RAD51B: variants seen among roughly 807,000 people sequenced by gnomAD.
RAD51B encodes the protein RAD51 paralog B, also known as DNA repair protein RAD51 homolog 2.
In RAD51B, 38 loss-of-function variants were observed where a neutral mutation model predicts 42.2. The ratio of observed to expected loss-of-function variants is 0.90; its 90% CI spans 0.70 to 1.18. The LOEUF (loss-of-function observed/expected upper bound fraction) is 1.18. Among genes scored for constraint, RAD51B ranks in the 50% most tolerant of loss-of-function variants. RAD51B has a pLI of 0.00. For synonymous variants in RAD51B, 154 were observed against 145.2 expected, an observed-to-expected ratio of 1.06 and a Z score of -0.43; for missense variants, 373 against 400.7, an observed-to-expected ratio of 0.93 and a Z score of 0.59.
intron 10 of RAD51B, among the ~76,000 whole-genome samples, chr14:68,551,510 C>G (rs1400352847): frequency 1.3e-5 from 2 of 152,224 alleles, no homozygotes; most frequent in African/African-American, 4.8e-5. Flanking sequence ...CCCCCCTTCC[C>G]AAGAAGTGCC....
intron 9 of RAD51B, among the ~76,000 whole-genome samples, chr14:68,456,939 G>A (rs71423312): frequency 9.5e-6 from 1 of 104,934 alleles, no homozygotes; most frequent in Non-Finnish European, 1.8e-5. Flanking sequence ...TTGAGACAGA[G>A]TCTCACTCTG....
At chr14:68,344,196 A>G (rs941397340) in intron 8 of RAD51B, among the ~76,000 whole-genome samples, 5 of 152,230 alleles carry the variant, frequency 3.3e-5, no homozygotes, top group Admixed American at 2.0e-4. Flanking sequence ...GGCAGCTTGT[A>G]TCCTGAGCTT....
chr14:67,900,054 A>G (rs1280032238), intron 7 of RAD51B, among the ~76,000 whole-genome samples: 2 of 152,324 alleles, frequency 1.3e-5, no homozygotes, highest in Admixed American at 6.5e-5. Flanking sequence ...GCCTTTTTCA[A>G]TGGAAAGTCT....
At chr14:68,364,283 G>C (rs2139924648) in intron 8 of RAD51B, among the ~76,000 whole-genome samples, 2 of 152,314 alleles carry the variant, frequency 1.3e-5, no homozygotes, top group Middle Eastern at 6.8e-3. Flanking sequence ...AGACACCCGT[G>C]AAACAGAGGG....
intron 11 of RAD51B, among the ~76,000 whole-genome samples, chr14:68,666,203 A>G (rs1188060610): frequency 1.3e-5 from 2 of 152,164 alleles, no homozygotes; most frequent in African/African-American, 2.4e-5. Flanking sequence ...TGAGAGATGG[A>G]GAGTACCCAA....
chr14:68,087,893 ATATTATT>A lies in RAD51B; in HGVS notation c.756+200693_756+200699del, dbSNP rs1595378050. ...TATATTATTTATATAATTATATAAT[ATATTATT>A]TATATAATTATATAATATATTATAT... On this transcript the variant is annotated intron_variant, in intron 7 of 10. Transcript: ENST00000471583. 4.2e-5 allele frequency among the ~76,000 whole-genome samples: 5 copies of A among 117,704 alleles called. No homozygotes were observed. The East Asian group carries it at 6.1e-4, about 14-fold the overall frequency. 77.2% of individuals were successfully genotyped at this position (117,704 alleles called of 152,430 possible).
intron 7 of RAD51B, among the ~76,000 whole-genome samples, chr14:68,208,846 G>T (rs963960531): frequency 6.6e-6 from 1 of 152,196 alleles, no homozygotes; most frequent in South Asian, 2.1e-4. Flanking sequence ...ACATCTGTGG[G>T]ATGACAAGCT....
intron 10 of RAD51B, among the ~76,000 whole-genome samples, chr14:68,523,869 T>G (rs911671745): frequency 3.9e-5 from 6 of 152,236 alleles, no homozygotes; most frequent in Non-Finnish European, 7.3e-5. Context: ...GGGTCAAATG[T>G]ATTCCTATAA....
chr14:68,631,341 T>G (rs1441619764), intron 10 of RAD51B, among the ~76,000 whole-genome samples: 1 of 152,204 alleles, frequency 6.6e-6, no homozygotes, highest in African/African-American at 2.4e-5. Flanking sequence ...ATTGTTTCAC[T>G]TCCTGGGAAC....
intron 7 of RAD51B, among the ~76,000 whole-genome samples, chr14:68,128,714 C>T (rs1802846156): frequency 6.6e-6 from 1 of 152,012 alleles, no homozygotes; most frequent in African/African-American, 2.4e-5. Context: ...AGTGGGGGGG[C>T]TTGTAGATAC....
At chr14:68,528,614 A>G (rs1051036329) in intron 10 of RAD51B, among the ~76,000 whole-genome samples, 4 of 152,230 alleles carry the variant, frequency 2.6e-5, no homozygotes, top group Admixed American at 2.0e-4. Flanking sequence ...GTCAAGGTCC[A>G]TATTTAGTGG....
intron 11 of RAD51B, among the ~76,000 whole-genome samples, chr14:68,658,611 C>G (rs1892869430): frequency 6.6e-6 from 1 of 152,196 alleles, no homozygotes. Context: ...GAACTACACT[C>G]CATCCACAGA....
intron 7 of RAD51B, among the ~76,000 whole-genome samples, chr14:68,211,782 G>A (rs1394277560): frequency 6.6e-6 from 1 of 152,220 alleles, no homozygotes. Flanking sequence ...GGCAAACACT[G>A]GTTGTGCCCT....
At chr14:68,589,382 C>G (rs2256637) in intron 10 of RAD51B, among the ~76,000 whole-genome samples, 10,805 of 152,120 alleles carry the variant, frequency 0.071, 1,256 homozygotes, top group African/African-American at 0.24. Flanking sequence ...TTTTCTTTAG[C>G]TGCAGGAGTT....
intron 8 of RAD51B, among the ~76,000 whole-genome samples, chr14:68,293,890 G>A (rs1328792056): frequency 6.6e-6 from 1 of 152,168 alleles, no homozygotes; most frequent in Non-Finnish European, 1.5e-5. Flanking sequence ...CAAAGTTCTA[G>A]ACACATACTA....
At chr14:68,298,909 A>G (rs2081664249) in intron 8 of RAD51B, among the ~76,000 whole-genome samples, 1 of 152,182 alleles carries the variant, frequency 6.6e-6, no homozygotes, top group Non-Finnish European at 1.5e-5. Context: ...TGTGGCATGA[A>G]GCGTCTTCAG....
rs537672634 is a variant in RAD51B at position 68,553,483 on chromosome 14, C to T, written c.1037-41002C>T. On this transcript the variant is annotated intron_variant, in intron 10 of 10. Coordinates refer to the RAD51B transcript ENST00000487270. ...CTGGCTTCTCTAGTGCAGCTGAAGACGAGCCATCTACTGCGAGCAAAGAGA... is the reference window on the plus strand; with the variant it reads ...CTGGCTTCTCTAGTGCAGCTGAAGATGAGCCATCTACTGCGAGCAAAGAGA... Among the ~76,000 whole-genome samples, 6 of 152,132 alleles carry T rather than the reference C, an allele frequency of 3.9e-5. No individual in the cohort carries two copies. The East Asian group carries it at 7.7e-4, about 20-fold the overall frequency.
chr14:68,559,005 GTA>G (rs976531817), intron 10 of RAD51B, among the ~76,000 whole-genome samples: 2 of 151,012 alleles, frequency 1.3e-5, no homozygotes, highest in African/African-American at 2.4e-5. Context: ...ATATTTACAT[GTA>G]TATATATATA....
At chr14:68,031,527 G>T (rs1297352750) in intron 7 of RAD51B, among the ~76,000 whole-genome samples, 1 of 152,150 alleles carries the variant, frequency 6.6e-6, no homozygotes, top group Non-Finnish European at 1.5e-5. Context: ...TTGGAAACAT[G>T]GTGCCAGTAG....
Sources: gnomAD v4.1 joint callset for allele counts (sites outside exome capture counted in the v4.1 genomes callset) on GRCh38, gnomAD v4.1.1 for gene constraint, MANE v1.5 for transcripts, NCBI Gene and HGNC (gene_info 2026-07-23, HGNC 2026-07-21) for gene names.